THSD7B: variants seen among roughly 807,000 people sequenced by gnomAD.
THSD7B encodes the protein thrombospondin type 1 domain containing 7B, also known as thrombospondin type-1 domain-containing protein 7B.
Under a neutral mutation model 213.6 loss-of-function variants are expected in THSD7B, and 138 were observed. That is an observed-to-expected ratio of 0.65 (90% CI 0.56 to 0.74). The LOEUF (loss-of-function observed/expected upper bound fraction) is 0.74. THSD7B is among the 30% of genes least tolerant of loss of function. The pLI is 0.00. For missense variants in THSD7B, 1,931 were observed against 1,991.5 expected (o/e 0.97, Z 0.58); for synonymous variants, 742 against 687.0 (o/e 1.08, Z -1.25).
At chr2:136,951,573 T>G (rs1430945961) in intron 2 of THSD7B, among the ~76,000 whole-genome samples, 1 of 152,172 alleles carries the variant, frequency 6.6e-6, no homozygotes, top group Non-Finnish European at 1.5e-5. Context: ...GAGAGGAGAA[T>G]AGTGATTTAA....
intron 15 of THSD7B, among the ~76,000 whole-genome samples, chr2:137,486,674 A>G (rs1196325006): frequency 6.6e-6 from 1 of 151,910 alleles, no homozygotes; most frequent in African/African-American, 2.4e-5. Context: ...CTCCACCCCA[A>G]ATCAACAGAA....
intron 2 of THSD7B, among the ~76,000 whole-genome samples, chr2:136,941,222 A>G (rs1471254858): frequency 2.0e-5 from 3 of 152,168 alleles, no homozygotes; most frequent in South Asian, 2.1e-4. Flanking sequence ...TCCATGATGT[A>G]TATGTGCCAC....
chr2:137,132,313 A>G (rs1337107804), intron 5 of THSD7B, among the ~76,000 whole-genome samples: 2 of 151,432 alleles, frequency 1.3e-5, no homozygotes, highest in African/African-American at 2.4e-5. Context: ...ATATACAATC[A>G]TGTCGTCTGC....
At chr2:137,595,820 ATAT>A (rs1558853617) in intron 17 of THSD7B, among the ~76,000 whole-genome samples, 1 of 151,982 alleles carries the variant, frequency 6.6e-6, no homozygotes, top group Non-Finnish European at 1.5e-5. Flanking sequence ...TTAAAAAATA[ATAT>A]TATTACAAAC....
intron 10 of THSD7B, among the ~76,000 whole-genome samples, chr2:137,264,269 T>C (rs1002947786): frequency 8.5e-5 from 13 of 152,080 alleles, no homozygotes; most frequent in African/African-American, 2.7e-4. Context: ...TTTTCTTTTT[T>C]TGAGACAGAG....
chr2:137,463,249 G>A (rs1319750212), intron 15 of THSD7B, among the ~76,000 whole-genome samples: 1 of 152,016 alleles, frequency 6.6e-6, no homozygotes, highest in African/African-American at 2.4e-5. Flanking sequence ...CAGAAATTGT[G>A]GTTGCTTTTC....
chr2:137,267,726 C>T (rs1179693925), intron 10 of THSD7B, among the ~76,000 whole-genome samples: 3 of 152,150 alleles, frequency 2.0e-5, no homozygotes, highest in African/African-American at 7.2e-5. Context: ...AATAAGGTAG[C>T]ATATGCATAC....
rs373752301 is a variant in THSD7B at position 137,597,181 on chromosome 2, G to C, written c.3424-18994G>C. On this transcript the variant is annotated intron_variant, in intron 17 of 27. Transcript: ENST00000409968. The stretch of plus-strand genomic sequence containing the variant: ...GCCATGGACGATCAAATGGGACATG[G>C]AAGTGCCTTGCTGGATACAATCTTT... Among the ~76,000 whole-genome samples the C allele has an allele frequency of 9.9e-5, 15 of 152,186 alleles. No homozygotes were observed. In the East Asian group the frequency reaches 1.6e-3, roughly 16 times the overall value.
intron 12 of THSD7B, among the ~76,000 whole-genome samples, chr2:137,340,100 G>A (rs1242558720): frequency 6.6e-6 from 1 of 151,784 alleles, no homozygotes; most frequent in African/African-American, 2.4e-5. Context: ...GTCAATAAAA[G>A]TTGGAATCAC....
intron 2 of THSD7B, among the ~76,000 whole-genome samples, chr2:136,895,051 C>T (rs1202262828): frequency 1.3e-5 from 2 of 152,170 alleles, no homozygotes; most frequent in East Asian, 3.9e-4. Context: ...TAGATGGGTC[C>T]ATATGATTGA....
chr2:136,878,700 T>G, intron 1 of THSD7B, among the ~76,000 whole-genome samples: 1 of 152,228 alleles, frequency 6.6e-6, no homozygotes, highest in Non-Finnish European at 1.5e-5. Context: ...GTCTCTTGGC[T>G]GCATAAATGT....
At chr2:137,266,123 A>AT in intron 10 of THSD7B, among the ~76,000 whole-genome samples, 1 of 152,144 alleles carries the variant, frequency 6.6e-6, no homozygotes, top group Non-Finnish European at 1.5e-5. Flanking sequence ...AACTTCTTCT[A>AT]TTTTTTAAAA....
At chr2:137,146,252 T>C (rs1679701044) in intron 5 of THSD7B, among the ~76,000 whole-genome samples, 1 of 152,066 alleles carries the variant, frequency 6.6e-6, no homozygotes, top group South Asian at 2.1e-4. Context: ...TATAAGCATA[T>C]AGATTTTAAC....
At chr2:137,291,711 A>G (rs1274957831) in intron 12 of THSD7B, among the ~76,000 whole-genome samples, 1 of 152,178 alleles carries the variant, frequency 6.6e-6, no homozygotes, top group African/African-American at 2.4e-5. Context: ...TATAGTGTGC[A>G]TATTTTACAA....
intron 2 of THSD7B, among the ~76,000 whole-genome samples, chr2:137,023,232 A>G (rs1686479042): frequency 6.6e-6 from 1 of 152,160 alleles, no homozygotes; most frequent in African/African-American, 2.4e-5. Context: ...GGACAATGAG[A>G]AGGAGCAGAG....
At chr2:136,999,109 T>C (rs1224689430) in intron 2 of THSD7B, among the ~76,000 whole-genome samples, 1 of 152,148 alleles carries the variant, frequency 6.6e-6, no homozygotes, top group Non-Finnish European at 1.5e-5. Context: ...TTCATTGTAT[T>C]TTGCCTGCAG....
At chr2:137,508,984 C>A (rs1428782015) in intron 15 of THSD7B, among the ~76,000 whole-genome samples, 1 of 152,076 alleles carries the variant, frequency 6.6e-6, no homozygotes, top group African/African-American at 2.4e-5. Flanking sequence ...AGTTCCAAGG[C>A]TTACCACTAT....
At chr2:137,043,826 T>C (rs1247097718) in intron 2 of THSD7B, among the ~76,000 whole-genome samples, 1 of 152,194 alleles carries the variant, frequency 6.6e-6, no homozygotes, top group Non-Finnish European at 1.5e-5. Context: ...TTGTTTAGGT[T>C]GATAATTCAA....
intron 12 of THSD7B, among the ~76,000 whole-genome samples, chr2:137,315,638 C>T (rs1331994555): frequency 1.3e-5 from 2 of 152,064 alleles, no homozygotes; most frequent in African/African-American, 4.8e-5. Flanking sequence ...CCCTCTATCT[C>T]TAGATTATAA....
Sources: allele counts gnomAD v4.1 joint callset (sites outside exome capture counted in the v4.1 genomes callset), GRCh38; gene constraint gnomAD v4.1.1; transcripts MANE v1.5; gene names NCBI Gene and HGNC (gene_info 2026-07-23, HGNC 2026-07-21).